The following LAPTM4A variants were observed in gnomAD, a reference collection of about 807,000 sequenced individuals.
LAPTM4A encodes lysosomal protein transmembrane 4 alpha.
In LAPTM4A, 19 loss-of-function variants were observed where a neutral mutation model predicts 29.9. The observed-to-expected ratio is 0.64, with a 90% CI of 0.44 to 0.93. The LOEUF is 0.93. Among genes scored for constraint, LAPTM4A ranks in the 40% least tolerant of loss-of-function variants. The pLI, the probability that LAPTM4A is intolerant of heterozygous loss-of-function variation, is 0.00. For synonymous variants in LAPTM4A, 105 were observed against 102.1 expected, an observed-to-expected ratio of 1.03 and a Z score of -0.17; for missense variants, 293 against 288.5, an observed-to-expected ratio of 1.02 and a Z score of -0.11.
intron 1 of LAPTM4A, among the ~76,000 whole-genome samples, chr2:20,045,845 G>A (rs1351674756): frequency 2.6e-5 from 4 of 152,138 alleles, no homozygotes; most frequent in Non-Finnish European, 5.9e-5. Context: ...CCCAGAGCCA[G>A]TATCTACTGA....
chr2:20,037,165 A>G, intron 4 of LAPTM4A, 151 bp downstream of exon 4: 1 of 577,388 alleles, frequency 1.7e-6, no homozygotes, highest in Non-Finnish European at 2.9e-6. Flanking sequence ...GTTTTGTCAC[A>G]GTAGCTAAGA....
intron 2 of LAPTM4A, among the ~76,000 whole-genome samples, chr2:20,038,192 C>G (rs1673721479): frequency 2.0e-5 from 3 of 152,174 alleles, no homozygotes; most frequent in Non-Finnish European, 4.4e-5. Flanking sequence ...CACTTCCCCA[C>G]CCAACCTCCC....
chr2:20,051,433 T>C lies in LAPTM4A; in HGVS notation c.88A>G (p.Ile30Val), dbSNP rs1347964531. Residue 30 changes from isoleucine (I) to valine (V), a missense_variant, in exon 1 of 7, where the codon ATC becomes GTC. By Grantham distance (29) the Ile-to-Val change is conservative. Transcript: ENST00000175091. ...ACCATGTACCAGGTCCCCAGGATGA[T>C]CGTCCCGGTGCGGACATGGCAACAG... is the stretch of plus-strand genomic sequence containing the variant. ...CGCCHVRTGT[I>V]ILGTWYMVVN... 6 of 1,612,886 alleles carry C rather than the reference T, an allele frequency of 3.7e-6. No individual in the cohort carries two copies. Among genetic ancestry groups the C allele is most frequent in the Non-Finnish European group, 5.1e-6 (6 of 1,179,340 alleles).
intron 1 of LAPTM4A, among the ~76,000 whole-genome samples, chr2:20,047,906 A>G (rs1673969707): frequency 6.6e-6 from 1 of 152,204 alleles, no homozygotes; most frequent in Admixed American, 6.5e-5. Flanking sequence ...TTCAGGGAGA[A>G]GGAATAGCAT....
chr2:20,034,166 T>G, intron 6 of LAPTM4A, 151 bp downstream of exon 6: 1 of 662,502 alleles, frequency 1.5e-6, no homozygotes, highest in Non-Finnish European at 2.7e-6. Context: ...AAATGTTGAA[T>G]CCTGTGGATT....
At chr2:20,044,452 T>G (rs974079908) in intron 1 of LAPTM4A, among the ~76,000 whole-genome samples, 10 of 152,186 alleles carry the variant, frequency 6.6e-5, no homozygotes, top group African/African-American at 1.4e-4. Context: ...GGAGTTCTAT[T>G]TTCCCTTCTT....
Position 20,045,706 on chromosome 2 carries a change from G to C in LAPTM4A, c.112-4695C>G, listed in dbSNP as rs142934492. ...GACTTGTTACAAAATAACTGTATCA[G>C]ATCCATGGAAGCACAGGGCCTGAAG... On this transcript the variant is annotated intron_variant, in intron 1 of 6. Transcript: ENST00000175091. Among the ~76,000 whole-genome samples, 116 of 152,252 alleles carry C rather than the reference G, an allele frequency of 7.6e-4. 1 individual carries two copies. The South Asian group carries it at 0.012, about 16-fold the overall frequency.
intron 1 of LAPTM4A, among the ~76,000 whole-genome samples, chr2:20,047,793 G>A (rs1673967061): frequency 6.6e-6 from 1 of 152,158 alleles, no homozygotes; most frequent in Admixed American, 6.5e-5. Flanking sequence ...TTGAAGCTGG[G>A]TGATGAATAA....
Position 20,034,311 on chromosome 2 carries a change from G to T in LAPTM4A, c.627+6C>A. 3 of 1,598,518 alleles carry T rather than the reference G, an allele frequency of 1.9e-6. No individual in the cohort carries two copies. The highest frequency in any genetic ancestry group is 2.6e-6 in the Non-Finnish European group (3 of 1,165,744). ...TGACCTTTTACTCTATCCAACAGTA[G>T]CTAACCTGAGGAGGTGCTTCAAAGG... On this transcript the variant is annotated splice_donor_region_variant and intron_variant, in intron 6 of 6. Transcript: ENST00000175091.
At chr2:20,050,785 G>A (rs1318179673) in intron 1 of LAPTM4A, among the ~76,000 whole-genome samples, 1 of 152,218 alleles carries the variant, frequency 6.6e-6, no homozygotes, top group Non-Finnish European at 1.5e-5. Context: ...CTACTGCGCA[G>A]GGAGGAGGCT....
In LAPTM4A at chr2:20,032,932, C is replaced by A; in HGVS notation, c.*273G>T. On this transcript the variant is annotated 3_prime_UTR_variant, in exon 7 of 7. Transcript: ENST00000175091. ...ACTATGTGGCAAGTACCCTCTTTCC[C>A]TTCCCACCCCCCAATTAAAGGCAAA... is the stretch of plus-strand genomic sequence containing the variant. The A allele has an allele frequency of 2.3e-6, 1 of 431,812 alleles. No homozygotes were observed. Among genetic ancestry groups the A allele is most frequent in the South Asian group, 4.0e-5 (1 of 25,116 alleles). The allele number at this position is 431,812 out of a possible 1,614,324, so 26.7% of individuals were successfully genotyped here. A position where few individuals can be genotyped will look rare whatever the true frequency, so the allele number is the denominator to read the frequency against.
chr2:20,042,818 CG>C (rs1480880653), intron 1 of LAPTM4A, among the ~76,000 whole-genome samples: 4 of 152,180 alleles, frequency 2.6e-5, no homozygotes, highest in Non-Finnish European at 5.9e-5. Flanking sequence ...AGAAATCTCA[CG>C]TAGGATTGGA....
chr2:20,040,984 G>C lies in LAPTM4A; in HGVS notation c.139C>G (p.Leu47Val), dbSNP rs573570015. Residue 47 changes from leucine to valine, a missense_variant, in exon 2 of 7, where the codon CTG (leucine) becomes GTG (valine). Transcript: ENST00000175091. ...TTTGGATGAGTCACTTCCACAGTCAGCAAAATTGCCATCAATAGGTTTACT... is the reference window on the plus strand; with the variant it reads ...TTTGGATGAGTCACTTCCACAGTCACCAAAATTGCCATCAATAGGTTTACT... The part of the protein sequence containing the change: ...MVVNLLMAIL[L>V]TVEVTHPNSM... 3 of 1,613,526 alleles carry C rather than the reference G, an allele frequency of 1.9e-6. No homozygotes were observed. In the South Asian group the frequency reaches 3.3e-5, roughly 18 times the overall value.
At chr2:20,036,756 C>T (rs1673686056) in intron 4 of LAPTM4A, among the ~76,000 whole-genome samples, 1 of 152,202 alleles carries the variant, frequency 6.6e-6, no homozygotes, top group African/African-American at 2.4e-5. Flanking sequence ...TTTTCCCTGC[C>T]CCCCTCCATA....
At chr2:20,047,133 T>C (rs2148215005) in intron 1 of LAPTM4A, among the ~76,000 whole-genome samples, 1 of 151,310 alleles carries the variant, frequency 6.6e-6, no homozygotes, top group South Asian at 2.1e-4. Context: ...CTCACGCCTG[T>C]AATCCCAGCA....
rs186621218 is a variant in LAPTM4A, at chr2:20,036,602, G to A, written c.432+714C>T. Among the ~76,000 whole-genome samples, 171 of 152,330 alleles carry A rather than the reference G, an allele frequency of 1.1e-3. 1 individual carries two copies. The highest frequency in any genetic ancestry group is 3.9e-3 in the African/African-American group (162 of 41,576). ...GTGGTGTGGAAAATGGGCTAGGCAGGAAATCTGGTAGTGGGAAGAAAAGTT... is the reference window on the plus strand; with the variant it reads ...GTGGTGTGGAAAATGGGCTAGGCAGAAAATCTGGTAGTGGGAAGAAAAGTT... On this transcript the variant is annotated intron_variant, in intron 4 of 6. Transcript: ENST00000175091.
intron 4 of LAPTM4A, 198 bp from the exon 5 acceptor site, chr2:20,035,260 G>C: frequency 1.9e-6 from 1 of 539,160 alleles, no homozygotes; most frequent in Non-Finnish European, 3.4e-6. Context: ...ATCACTTAGA[G>C]TACATTTGAT....
Position 20,032,841 on chromosome 2 carries a change from A to G in LAPTM4A, c.*364T>C, listed in dbSNP as rs139058979. On this transcript the variant is annotated 3_prime_UTR_variant, in exon 7 of 7. Coordinates refer to ENST00000175091, the MANE Select transcript of LAPTM4A (RefSeq NM_014713.5). Reference sequence around the variant, plus strand: ...CGAATATTTAAGTCAGTCTTCCTGAAAGTACTCAGGGTAGCAAGTAACAAA... The same window carrying G: ...CGAATATTTAAGTCAGTCTTCCTGAGAGTACTCAGGGTAGCAAGTAACAAA... The G allele has an allele frequency of 1.4e-3, 275 of 198,802 alleles. 1 individual carries two copies. The highest frequency in any genetic ancestry group is 6.1e-3 in the African/African-American group (264 of 43,056). The allele number at this position is 198,802 out of a possible 1,614,324, so 12.3% of individuals were successfully genotyped here. A position where few individuals can be genotyped will look rare whatever the true frequency, so the allele number is the denominator to read the frequency against.
intron 2 of LAPTM4A, among the ~76,000 whole-genome samples, chr2:20,038,542 C>G (rs534232479): frequency 3.9e-5 from 6 of 152,224 alleles, no homozygotes; most frequent in Admixed American, 3.3e-4. Flanking sequence ...TCTCTTGCCT[C>G]AGCCTCCCAA....
Sources: gnomAD v4.1 joint callset for allele counts (sites outside exome capture counted in the v4.1 genomes callset) on GRCh38, gnomAD v4.1.1 for gene constraint, MANE v1.5 for transcripts, NCBI Gene and HGNC (gene_info 2026-07-23, HGNC 2026-07-21) for gene names.